GALNT7: variants seen among roughly 807,000 people sequenced by gnomAD.
GALNT7 encodes polypeptide N-acetylgalactosaminyltransferase 7.
GALNT7 carries 60 observed loss-of-function variants against 82.1 expected under a neutral mutation model. The observed-to-expected ratio is 0.73, with a 90% CI of 0.59 to 0.91. GALNT7 has a LOEUF of 0.91. Among genes scored for constraint, GALNT7 ranks in the 40% least tolerant of loss-of-function variants. The pLI is 0.00. For missense variants in GALNT7, 660 were observed against 804.2 expected, an observed-to-expected ratio of 0.82 and a Z score of 2.17; for synonymous variants, 243 against 275.1, an observed-to-expected ratio of 0.88 and a Z score of 1.15.
At chr4:173,216,326 A>T (rs1311884776) in intron 1 of GALNT7, among the ~76,000 whole-genome samples, 1 of 152,246 alleles carries the variant, frequency 6.6e-6, no homozygotes, top group Non-Finnish European at 1.5e-5. Context: ...TACATGAAAT[A>T]TACAACAATC....
intron 1 of GALNT7, among the ~76,000 whole-genome samples, chr4:173,199,716 T>A (rs1732882783): frequency 6.6e-6 from 1 of 152,176 alleles, no homozygotes. Flanking sequence ...TAAAAAGAAG[T>A]TTCTTGAGGA....
At chr4:173,267,209 A>G (rs1735535122) in intron 2 of GALNT7, among the ~76,000 whole-genome samples, 1 of 152,080 alleles carries the variant, frequency 6.6e-6, no homozygotes, top group Non-Finnish European at 1.5e-5. Flanking sequence ...AGGTACTATT[A>G]TCATATATTA....
chr4:173,220,096 C>T (rs555711309), intron 1 of GALNT7, among the ~76,000 whole-genome samples: 1 of 152,210 alleles, frequency 6.6e-6, no homozygotes, highest in African/African-American at 2.4e-5. Context: ...AAAGTTTTCC[C>T]AGGGTTATCT....
intron 2 of GALNT7, among the ~76,000 whole-genome samples, chr4:173,291,202 G>A (rs1736519055): frequency 6.6e-6 from 1 of 152,162 alleles, no homozygotes; most frequent in African/African-American, 2.4e-5. Flanking sequence ...AGGGTCAGAA[G>A]AAGAAAAATG....
chr4:173,297,821 A>G, intron 5 of GALNT7: 2 of 1,459,004 alleles, frequency 1.4e-6, no homozygotes, highest in Non-Finnish European at 1.8e-6. Flanking sequence ...CCTCTAATAG[A>G]TTACATAGAT....
At chr4:173,288,262 G>A (rs1724865326) in intron 2 of GALNT7, among the ~76,000 whole-genome samples, 1 of 117,260 alleles carries the variant, frequency 8.5e-6, no homozygotes, top group Non-Finnish European at 1.6e-5. Context: ...CAGCCTGGGC[G>A]ACAGAGCGAG....
intron 8 of GALNT7, among the ~76,000 whole-genome samples, chr4:173,310,541 G>A (rs58464099): frequency 0.01 from 1,576 of 152,160 alleles, 31 homozygotes; most frequent in African/African-American, 0.036. Flanking sequence ...TGCTTAAAAC[G>A]TTTTTATGGT....
At chr4:173,212,046 T>A (rs1473675424) in intron 1 of GALNT7, among the ~76,000 whole-genome samples, 3 of 152,184 alleles carry the variant, frequency 2.0e-5, no homozygotes, top group Non-Finnish European at 2.9e-5. Context: ...TCACAGTGGC[T>A]TTCTTCTCTT....
At chr4:173,207,025 G>T (rs1733121025) in intron 1 of GALNT7, among the ~76,000 whole-genome samples, 1 of 152,180 alleles carries the variant, frequency 6.6e-6, no homozygotes, top group Non-Finnish European at 1.5e-5. Context: ...ATAACTGTTG[G>T]GGTTTACCAT....
In GALNT7 at chr4:173,313,939, A is replaced by T. The variant is rs1737487691; in HGVS notation, c.1390-19A>T. ...TGTATTTTTATAACGATATATATAT[A>T]TATATTTTTTTTTTACAGAATTATG... On this transcript the variant is annotated intron_variant, in intron 8 of 11. Transcript: ENST00000265000. The T allele has an allele frequency of 6.6e-6, 7 of 1,064,838 alleles. No homozygotes were observed. Among genetic ancestry groups the T allele is most frequent in the African/African-American group, 1.7e-5 (1 of 58,520 alleles). The allele number at this position is 1,064,838 out of a possible 1,614,324, so 66.0% of individuals were successfully genotyped here. A position where few individuals can be genotyped will look rare whatever the true frequency, so the allele number is the denominator to read the frequency against.
chr4:173,191,409 T>G (rs1363020524), intron 1 of GALNT7, among the ~76,000 whole-genome samples: 1 of 152,210 alleles, frequency 6.6e-6, no homozygotes, highest in African/African-American at 2.4e-5. Context: ...TTCTGTCTAG[T>G]GTCCCCTGTT....
chr4:173,290,063 G>C (rs1051323373), intron 2 of GALNT7, among the ~76,000 whole-genome samples: 1 of 152,232 alleles, frequency 6.6e-6, no homozygotes, highest in Non-Finnish European at 1.5e-5. Context: ...TATATGCTGG[G>C]AATATGGTAG....
rs1736978220 is a variant in GALNT7, at chr4:173,302,450, G to A, written c.1266+286G>A. On this transcript the variant is annotated intron_variant, in intron 7 of 11. Coordinates refer to ENST00000265000, the MANE Select transcript of GALNT7 (RefSeq NM_017423.3). This position sits in a 1 kb window ranked among gnomAD's most constrained non-coding sequence, Gnocchi z 4.2. ...ACACCCCAACTTTCTATATATTGGA[G>A]CTTTTTATTATAGAAGCCCTTGGAA... Among the ~76,000 whole-genome samples, 1 of 152,136 alleles carries A rather than the reference G, an allele frequency of 6.6e-6. No homozygotes were observed. Among genetic ancestry groups the A allele is most frequent in the Non-Finnish European group, 1.5e-5 (1 of 68,024 alleles).
intron 2 of GALNT7, among the ~76,000 whole-genome samples, chr4:173,272,300 G>T (rs865910305): frequency 3.9e-5 from 6 of 152,206 alleles, no homozygotes; most frequent in Middle Eastern, 3.2e-3. Context: ...TCTCAAGAGA[G>T]AATGCAACAA....
At chr4:173,279,057 G>A (rs890363765) in intron 2 of GALNT7, among the ~76,000 whole-genome samples, 1 of 152,124 alleles carries the variant, frequency 6.6e-6, no homozygotes, top group African/African-American at 2.4e-5. Context: ...TCTGATAACT[G>A]GGTTTAACAG....
chr4:173,202,033 A>T (rs114405767), intron 1 of GALNT7, among the ~76,000 whole-genome samples: 2,124 of 152,338 alleles, frequency 0.014, 51 homozygotes, highest in African/African-American at 0.047. Flanking sequence ...GCTTAAGACA[A>T]CTGTGCTGGT....
intron 1 of GALNT7, among the ~76,000 whole-genome samples, chr4:173,228,427 T>G (rs1365920538): frequency 6.6e-6 from 1 of 151,910 alleles, no homozygotes; most frequent in Admixed American, 6.6e-5. Flanking sequence ...AAAATTATTT[T>G]TTGAACGTTT....
intron 2 of GALNT7, among the ~76,000 whole-genome samples, chr4:173,287,536 CCTT>C (rs1390854349): frequency 3.3e-5 from 5 of 152,234 alleles, no homozygotes; most frequent in African/African-American, 4.8e-5. Flanking sequence ...CCCTCAGTCT[CCTT>C]CTCTTCAGAG....
At chr4:173,194,929 A>C (rs971501701) in intron 1 of GALNT7, among the ~76,000 whole-genome samples, 1 of 152,186 alleles carries the variant, frequency 6.6e-6, no homozygotes, top group African/African-American at 2.4e-5. Flanking sequence ...TGAAGAGATC[A>C]GTGAAGGGTT....
Sources: allele counts gnomAD v4.1 joint callset (sites outside exome capture counted in the v4.1 genomes callset), GRCh38; gene constraint gnomAD v4.1.1; non-coding constraint Gnocchi (gnomAD v3.1); transcripts MANE v1.5; gene names NCBI Gene and HGNC (gene_info 2026-07-23, HGNC 2026-07-21).